SGSM1: variants seen among roughly 807,000 people sequenced by gnomAD.
SGSM1 encodes the protein RUN and TBC1 domain containing 2.
SGSM1 carries 73 observed loss-of-function variants against 133.8 expected under a neutral mutation model. The ratio of observed to expected loss-of-function variants is 0.55; its 90% CI spans 0.45 to 0.66. SGSM1 has a LOEUF of 0.66. Ranked by LOEUF, SGSM1 falls within the 30% of genes least tolerant of loss-of-function variation. SGSM1 has a pLI of 0.00. For missense variants in SGSM1, 1,213 were observed against 1,448.1 expected (o/e 0.84, Z 2.64); for synonymous variants, 563 against 573.0 (o/e 0.98, Z 0.25).
At chr22:24,878,053 C>T (rs1465198137) in intron 13 of SGSM1, among the ~76,000 whole-genome samples, 7 of 152,004 alleles carry the variant, frequency 4.6e-5, no homozygotes, top group South Asian at 2.1e-4. Context: ...TCAAGTGATC[C>T]GCCCACCTTG....
intron 2 of SGSM1, among the ~76,000 whole-genome samples, chr22:24,824,474 T>C (rs1418422891): frequency 6.6e-6 from 1 of 152,062 alleles, no homozygotes; most frequent in Non-Finnish European, 1.5e-5. Context: ...AAAATACTCC[T>C]GTCCCCACCC....
intron 10 of SGSM1, 98 bp downstream of exon 10, chr22:24,867,258 T>C: frequency 1.7e-6 from 2 of 1,146,536 alleles, no homozygotes; most frequent in South Asian, 1.3e-5. Flanking sequence ...GCGAATGATA[T>C]GGTGGACACC....
chr22:24,830,695 A>G (rs376116071), intron 2 of SGSM1, among the ~76,000 whole-genome samples: 3 of 58,052 alleles, frequency 5.2e-5, no homozygotes, highest in South Asian at 4.7e-4. Flanking sequence ...TACCAGAAGG[A>G]AGCTTTTCCT....
rs55876996 is a variant in SGSM1 at position 24,915,229 on chromosome 22, A to AAAATAAATAAAT, written c.2929-2413_2929-2402dup. Among the ~76,000 whole-genome samples the AAAATAAATAAAT allele has an allele frequency of 5.7e-3, 866 of 151,184 alleles. 7 individuals carry two copies. Among genetic ancestry groups the AAAATAAATAAAT allele is most frequent in the African/African-American group, 0.02 (823 of 40,988 alleles). ...GGGCGACAGAGCGAGACTCCGTCTCAAAATAAATAAATAAATAAATAAATA... is the reference window on the plus strand; with the variant it reads ...GGGCGACAGAGCGAGACTCCGTCTCAAAATAAATAAATAAATAAATAAATAAATAAATAAATA... On this transcript the variant is annotated intron_variant, in intron 22 of 24. Transcript: ENST00000400358.
chr22:24,824,228 A>T (rs544597373), intron 2 of SGSM1, among the ~76,000 whole-genome samples: 21 of 152,310 alleles, frequency 1.4e-4, no homozygotes, highest in African/African-American at 5.1e-4. Flanking sequence ...GGGTGAGGAT[A>T]TCAAGTGGAG....
At position 24,806,487 on chromosome 22, in the gene SGSM1, G is replaced by A. The variant is rs1927393838; in HGVS notation, c.63+3G>A. ...TGCTACGCACCGTCAAGAAGGAGGT[G>A]GGTGCCGGGGTGGGGGCACTGGGCA... On this transcript the variant is annotated splice_donor_region_variant and intron_variant, in intron 2 of 24. Coordinates refer to ENST00000400358, the MANE Select transcript of SGSM1 (RefSeq NM_001098497.3). 3.3e-6 allele frequency: 5 copies of A among 1,510,726 alleles called. No homozygotes were observed. Among genetic ancestry groups the A allele is most frequent in the Non-Finnish European group, 8.8e-7 (1 of 1,130,250 alleles). 93.6% of individuals were successfully genotyped at this position (1,510,726 alleles called of 1,614,324 possible).
chr22:24,899,798 G>A (rs972320690), intron 19 of SGSM1, among the ~76,000 whole-genome samples: 19 of 152,224 alleles, frequency 1.2e-4, no homozygotes, highest in African/African-American at 4.6e-4. Context: ...TGGGATTACA[G>A]GCGTGAGCCT....
At chr22:24,869,700 T>G (rs1931670544) in intron 12 of SGSM1, among the ~76,000 whole-genome samples, 1 of 152,216 alleles carries the variant, frequency 6.6e-6, no homozygotes, top group Non-Finnish European at 1.5e-5. Context: ...AGGCCCTCAG[T>G]AAGTTGTAGT....
chr22:24,908,729 G>A (rs934886163), intron 21 of SGSM1, among the ~76,000 whole-genome samples: 6 of 151,724 alleles, frequency 4.0e-5, no homozygotes. Flanking sequence ...ATGAACCCAG[G>A]AGGCAGAGCT....
chr22:24,808,336 C>T (rs1233638328), intron 2 of SGSM1, among the ~76,000 whole-genome samples: 2 of 152,050 alleles, frequency 1.3e-5, no homozygotes, highest in African/African-American at 4.8e-5. Context: ...AGGATGGTCT[C>T]GATCTCCTGA....
At chr22:24,910,264 C>T (rs535992569) in intron 21 of SGSM1, among the ~76,000 whole-genome samples, 1 of 152,164 alleles carries the variant, frequency 6.6e-6, no homozygotes, top group East Asian at 1.9e-4. Flanking sequence ...TGTTCTGGAA[C>T]TAATAGTGGT....
Position 24,806,234 on chromosome 22 carries a change from C to A in SGSM1, c.-92C>A. ...TCACTCAGCGCTCGGCCCCGCCCCG[C>A]CGCGGCTGCAGCAGCAGCGCCGCGG... On this transcript the variant is annotated 5_prime_UTR_variant, in exon 1 of 25. Coordinates refer to ENST00000400358, the MANE Select transcript of SGSM1 (RefSeq NM_001098497.3). 7.7e-7 allele frequency: 1 copy of A among 1,297,468 alleles called. No individual in the cohort carries two copies. Among genetic ancestry groups the A allele is most frequent in the South Asian group, 2.3e-5 (1 of 42,600 alleles). 80.4% of individuals were successfully genotyped at this position (1,297,468 alleles called of 1,614,324 possible). A position where few individuals can be genotyped will look rare whatever the true frequency, so the allele number is the denominator to read the frequency against.
At position 24,868,455 on chromosome 22, in the gene SGSM1, C is replaced by A; in HGVS notation, c.1074C>A (p.His358Gln). 6.2e-7 allele frequency: 1 copy of A among 1,613,940 alleles called. No individual in the cohort carries two copies. The highest frequency in any genetic ancestry group is 8.5e-7 in the Non-Finnish European group (1 of 1,179,892). ...RPPFRFPKGG[H>Q]LLQFLSCLEN... Reference sequence around the variant, plus strand: ...CCTTCCGCTTCCCCAAGGGCGGGCACCTCCTGCAGTTCCTCTCGTGCCTGG... The same window carrying A: ...CCTTCCGCTTCCCCAAGGGCGGGCAACTCCTGCAGTTCCTCTCGTGCCTGG... The change falls in exon 11 of 25, where the codon CAC (histidine) becomes CAA (glutamine). Residue 358 changes from histidine (H) to glutamine (Q), a missense_variant. Physicochemically the swap from His to Gln is conservative, Grantham distance 24. Transcript: ENST00000400358.
intron 24 of SGSM1, among the ~76,000 whole-genome samples, chr22:24,922,852 G>A (rs1006307252): frequency 2.6e-5 from 4 of 152,208 alleles, no homozygotes; most frequent in Admixed American, 6.5e-5. Flanking sequence ...GGGACCCTGG[G>A]TACAGTGGCT....
intron 10 of SGSM1, 86 bp downstream of exon 10, chr22:24,867,246 G>A (rs547956387): frequency 7.6e-6 from 10 of 1,308,696 alleles, no homozygotes; most frequent in East Asian, 7.1e-5. Context: ...TTAGCATCAT[G>A]AGCGAATGAT....
chr22:24,894,386 CCT>C (rs1282421841), intron 17 of SGSM1, among the ~76,000 whole-genome samples: 1 of 152,094 alleles, frequency 6.6e-6, no homozygotes, highest in Non-Finnish European at 1.5e-5. Context: ...AGCGAAACTC[CCT>C]CTCAAAAAAA....
intron 21 of SGSM1, among the ~76,000 whole-genome samples, chr22:24,907,646 C>T (rs573083793): frequency 3.6e-4 from 54 of 151,584 alleles, no homozygotes; most frequent in Non-Finnish European, 5.9e-4. Context: ...ATATGTTGGC[C>T]GGGCGCAGTG....
intron 9 of SGSM1, among the ~76,000 whole-genome samples, chr22:24,864,986 T>C (rs1931366797): frequency 6.6e-6 from 1 of 152,162 alleles, no homozygotes; most frequent in South Asian, 2.1e-4. Context: ...TGAATAAGCA[T>C]ATAGGGAGAA....
At chr22:24,820,648 A>C (rs16979000) in intron 2 of SGSM1, among the ~76,000 whole-genome samples, 1 of 152,236 alleles carries the variant, frequency 6.6e-6, no homozygotes, top group South Asian at 2.1e-4. Context: ...GTGACAGGAA[A>C]GATGGAAGGG....
Sources: gnomAD v4.1 joint callset for allele counts (sites outside exome capture counted in the v4.1 genomes callset) on GRCh38, gnomAD v4.1.1 for gene constraint, MANE v1.5 for transcripts, NCBI Gene and HGNC (gene_info 2026-07-23, HGNC 2026-07-21) for gene names.